The following BTBD9 variants were observed in gnomAD, a reference collection of about 807,000 sequenced individuals.
BTBD9 encodes BTB/POZ domain-containing protein 9.
Under a neutral mutation model 64.3 loss-of-function variants are expected in BTBD9, and 49 were observed. The ratio of observed to expected loss-of-function variants is 0.76; its 90% confidence interval spans 0.61 to 0.97. The LOEUF is 0.97. BTBD9 is among the 50% of genes least tolerant of loss of function. The pLI is 0.00. For missense variants in BTBD9, 598 were observed against 762.1 expected, an observed-to-expected ratio of 0.78 and a Z score of 2.53; for synonymous variants, 260 against 274.7, an observed-to-expected ratio of 0.95 and a Z score of 0.53.
rs570495037 is a variant in BTBD9 at position 38,372,497 on chromosome 6, T to C, written c.1155-27404A>G. 3.9e-5 allele frequency among the ~76,000 whole-genome samples: 6 copies of C among 152,300 alleles called. 1 individual carries two copies. The highest frequency in any genetic ancestry group is 1.2e-4 in the African/African-American group (5 of 41,550). ...AAATCCCGCTCCACCAATCTACACA[T>C]CCTTCAAGAAAAAAATAACACTTTT... On this transcript the variant is annotated intron_variant, in intron 6 of 10. Coordinates refer to ENST00000481247, the MANE Select transcript of BTBD9 (RefSeq NM_001099272.2).
chr6:38,494,464 A>G (rs1771854465), intron 6 of BTBD9, among the ~76,000 whole-genome samples: 1 of 152,248 alleles, frequency 6.6e-6, no homozygotes, highest in African/African-American at 2.4e-5. Context: ...GCCTCAGATA[A>G]TGGCGAATGC....
At chr6:38,485,664 T>G (rs1372229939) in intron 6 of BTBD9, among the ~76,000 whole-genome samples, 1 of 152,196 alleles carries the variant, frequency 6.6e-6, no homozygotes, top group African/African-American at 2.4e-5. Flanking sequence ...TAAACAGATG[T>G]GCAGTCATCC....
chr6:38,240,781 T>G (rs1293564486), intron 9 of BTBD9, among the ~76,000 whole-genome samples: 2 of 152,238 alleles, frequency 1.3e-5, no homozygotes, highest in Non-Finnish European at 2.9e-5. Context: ...GTGCCATGTC[T>G]AACTAAAAAC....
chr6:38,397,957 T>C (rs1766754858), intron 6 of BTBD9, among the ~76,000 whole-genome samples: 1 of 152,248 alleles, frequency 6.6e-6, no homozygotes, highest in Non-Finnish European at 1.5e-5. Flanking sequence ...TGCGGTACTA[T>C]TGGAATATAT....
chr6:38,192,736 G>A, intron 9 of BTBD9, 139 bp from the exon 10 acceptor site: 2 of 709,574 alleles, frequency 2.8e-6, no homozygotes, highest in Non-Finnish European at 5.0e-6. Context: ...CAGGCAGCTG[G>A]GCTGCACCTA....
At position 38,404,730 on chromosome 6, in the gene BTBD9, T is replaced by C. The variant is rs950968061; in HGVS notation, c.1155-59637A>G. 5.9e-5 allele frequency among the ~76,000 whole-genome samples: 9 copies of C among 152,290 alleles called. No homozygotes were observed. In the East Asian group the frequency reaches 1.7e-3, roughly 29 times the overall value. On this transcript the variant is annotated intron_variant, in intron 6 of 10. Coordinates refer to ENST00000481247, the MANE Select transcript of BTBD9 (RefSeq NM_001099272.2). Reference sequence around the variant, plus strand: ...TGCAGATAAGGGATAAACTGATGTGTTTCATTCTGGGCTTGTTATTATCAA... The same window carrying C: ...TGCAGATAAGGGATAAACTGATGTGCTTCATTCTGGGCTTGTTATTATCAA...
chr6:38,275,414 A>G (rs1405711236), intron 8 of BTBD9, among the ~76,000 whole-genome samples: 3 of 152,108 alleles, frequency 2.0e-5, no homozygotes, highest in Non-Finnish European at 4.4e-5. Context: ...AACCTAGGCA[A>G]TACCATTCAG....
chr6:38,209,010 CTGAG>C (rs1227607755), intron 9 of BTBD9, among the ~76,000 whole-genome samples: 1 of 152,168 alleles, frequency 6.6e-6, no homozygotes, highest in African/African-American at 2.4e-5. Context: ...TGCTGGTTTC[CTGAG>C]TATTTTTTAA....
intron 6 of BTBD9, among the ~76,000 whole-genome samples, chr6:38,483,444 C>T (rs1188959313): frequency 6.6e-6 from 1 of 152,012 alleles, no homozygotes; most frequent in Admixed American, 6.6e-5. Flanking sequence ...TGCCCACCTG[C>T]TGTCTGGTCT....
At chr6:38,187,985 G>A (rs1004901345) in intron 10 of BTBD9, among the ~76,000 whole-genome samples, 4 of 152,156 alleles carry the variant, frequency 2.6e-5, no homozygotes, top group East Asian at 1.9e-4. Flanking sequence ...GGAGGGAAGC[G>A]GGGAAAATTA....
chr6:38,428,281 CA>C lies in BTBD9; in HGVS notation c.1155-83189del, dbSNP rs566117021. 1.1e-3 allele frequency among the ~76,000 whole-genome samples: 170 copies of C among 152,058 alleles called. 3 individuals are homozygous for C. Among genetic ancestry groups the C allele is most frequent in the African/African-American group, 3.9e-3 (163 of 41,342 alleles). ...GTTGGGCCCTTGAAAGGAAAAGCAG[CA>C]TTGCAATAGAATAGCACCCTGGTTG... On this transcript the variant is annotated intron_variant, in intron 6 of 10. Coordinates refer to ENST00000481247, the MANE Select transcript of BTBD9 (RefSeq NM_001099272.2).
At chr6:38,635,244 T>A (rs949158110) in intron 1 of BTBD9, among the ~76,000 whole-genome samples, 1 of 152,132 alleles carries the variant, frequency 6.6e-6, no homozygotes, top group Non-Finnish European at 1.5e-5. Context: ...CAAGCGATTC[T>A]CTTGCCTTAA....
chr6:38,541,556 G>T (rs1031983545), intron 6 of BTBD9, among the ~76,000 whole-genome samples: 4 of 152,282 alleles, frequency 2.6e-5, no homozygotes, highest in African/African-American at 9.6e-5. Context: ...GGCTAATATG[G>T]CGAAGCCCCG....
intron 9 of BTBD9, among the ~76,000 whole-genome samples, chr6:38,205,888 AAAAGAAAG>A (rs1328936965): frequency 1.4e-5 from 2 of 144,500 alleles, no homozygotes; most frequent in Non-Finnish European, 3.0e-5. Flanking sequence ...TCAAAAAAAA[AAAAGAAAG>A]AAAGAAAGAA....
chr6:38,316,660 G>A (rs1463665580), intron 7 of BTBD9, among the ~76,000 whole-genome samples: 1 of 152,040 alleles, frequency 6.6e-6, no homozygotes, highest in Non-Finnish European at 1.5e-5. Context: ...GTCTTCAAAA[G>A]TTGTTGTAGT....
chr6:38,265,185 T>A (rs1455730371), intron 8 of BTBD9, among the ~76,000 whole-genome samples: 1 of 151,982 alleles, frequency 6.6e-6, no homozygotes, highest in Non-Finnish European at 1.5e-5. Context: ...CTGTGTTTAG[T>A]CAACTGAAGT....
intron 6 of BTBD9, among the ~76,000 whole-genome samples, chr6:38,568,937 C>G (rs1415593754): frequency 1.3e-5 from 2 of 152,126 alleles, no homozygotes; most frequent in Non-Finnish European, 1.5e-5. Context: ...CACAGTTATA[C>G]AAGGTAACAC....
intron 6 of BTBD9, among the ~76,000 whole-genome samples, chr6:38,376,190 A>G (rs1014851202): frequency 1.3e-5 from 2 of 152,178 alleles, no homozygotes; most frequent in African/African-American, 4.8e-5. Flanking sequence ...AAGAAAATTT[A>G]GGGTAAAAAT....
intron 7 of BTBD9, among the ~76,000 whole-genome samples, chr6:38,324,317 G>A (rs183498188): frequency 3.3e-5 from 5 of 152,164 alleles, no homozygotes; most frequent in Non-Finnish European, 7.4e-5. Context: ...TCTAAAATAC[G>A]CATTAGCCAA....
Sources: allele counts gnomAD v4.1 joint callset (sites outside exome capture counted in the v4.1 genomes callset), GRCh38; gene constraint gnomAD v4.1.1; transcripts MANE v1.5; gene names NCBI Gene and HGNC (gene_info 2026-07-23, HGNC 2026-07-21).